PALM2AKAP2: variants seen among roughly 807,000 people sequenced by gnomAD.
PALM2AKAP2 encodes PALM2-AKAP2 fusion protein.
A neutral mutation model predicts 71.5 loss-of-function variants in PALM2AKAP2; 37 were observed. The ratio of observed to expected loss-of-function variants is 0.52; its 90% CI spans 0.40 to 0.68. The LOEUF (loss-of-function observed/expected upper bound fraction) is 0.68. Ranked by LOEUF, PALM2AKAP2 falls within the 30% of genes least tolerant of loss-of-function variation. PALM2AKAP2 has a pLI of 0.00. For synonymous variants in PALM2AKAP2, 468 were observed against 478.8 expected (o/e 0.98, Z 0.29); for missense variants, 1,224 against 1,191.8 (o/e 1.03, Z -0.40).
intron 1 of PALM2AKAP2, among the ~76,000 whole-genome samples, chr9:109,808,196 A>G (rs1192085627): frequency 6.6e-6 from 1 of 152,232 alleles, no homozygotes; most frequent in Non-Finnish European, 1.5e-5. Flanking sequence ...AGAGGCTGGA[A>G]CAGTTTGGAG....
intron 6 of PALM2AKAP2, among the ~76,000 whole-genome samples, chr9:110,005,581 A>C (rs1832762226): frequency 6.6e-6 from 1 of 152,196 alleles, no homozygotes; most frequent in South Asian, 2.1e-4. Flanking sequence ...AAGTCTGCAG[A>C]GGTTTCTGCT....
intron 6 of PALM2AKAP2, among the ~76,000 whole-genome samples, chr9:110,007,565 A>G (rs373226328): frequency 3.9e-5 from 6 of 152,308 alleles, no homozygotes; most frequent in African/African-American, 1.4e-4. Flanking sequence ...GAGGTATGAC[A>G]CTATATTGTA....
intron 1 of PALM2AKAP2, among the ~76,000 whole-genome samples, chr9:109,858,195 T>A (rs1179421999): frequency 6.6e-6 from 1 of 152,204 alleles, no homozygotes; most frequent in Non-Finnish European, 1.5e-5. Context: ...TGACCCTGTC[T>A]CTTTATCTTC....
At chr9:109,918,889 C>CT (rs965716447) in intron 3 of PALM2AKAP2, among the ~76,000 whole-genome samples, 3 of 152,090 alleles carry the variant, frequency 2.0e-5, no homozygotes, top group African/African-American at 7.2e-5. Context: ...CATTTCGTTC[C>CT]TTTTTTTTCT....
At chr9:109,853,437 A>G (rs533194957) in intron 1 of PALM2AKAP2, among the ~76,000 whole-genome samples, 5 of 152,188 alleles carry the variant, frequency 3.3e-5, no homozygotes, top group African/African-American at 1.2e-4. Flanking sequence ...TTGCTTTTTA[A>G]ACTGACTATA....
At chr9:110,139,804 C>T (rs561790167) in intron 2 of PALM2AKAP2, among the ~76,000 whole-genome samples, 26 of 152,270 alleles carry the variant, frequency 1.7e-4, no homozygotes, top group Admixed American at 1.5e-3. Context: ...ACATGATGCC[C>T]CATCACCCCC....
At chr9:109,825,941 AT>A (rs1290703002) in intron 1 of PALM2AKAP2, among the ~76,000 whole-genome samples, 10 of 152,212 alleles carry the variant, frequency 6.6e-5, no homozygotes, top group Non-Finnish European at 2.9e-5. Context: ...ACTATTCACA[AT>A]AGGAAAGACT....
In PALM2AKAP2 at chr9:109,925,046, T is replaced by C; in HGVS notation, c.373-15T>C. On this transcript the variant is annotated splice_polypyrimidine_tract_variant and intron_variant, in intron 4 of 9. Coordinates refer to the PALM2AKAP2 transcript ENST00000302798. ...ACATGTAGAGTAACGCTCTGCCTTG[T>C]TTTTGTTCCTACAGGGTTTCTCCAG... is the stretch of plus-strand genomic sequence containing the variant. The C allele has an allele frequency of 1.2e-6, 2 of 1,614,046 alleles. No individual in the cohort carries two copies. The highest frequency in any genetic ancestry group is 1.7e-6 in the Non-Finnish European group (2 of 1,179,946).
chr9:109,814,460 G>C (rs1827803327), intron 1 of PALM2AKAP2, among the ~76,000 whole-genome samples: 1 of 152,206 alleles, frequency 6.6e-6, no homozygotes, highest in African/African-American at 2.4e-5. Flanking sequence ...GTAACAAACA[G>C]ATGCAAAGAT....
chr9:109,877,133 A>G (rs990793723), intron 2 of PALM2AKAP2, among the ~76,000 whole-genome samples: 3 of 152,184 alleles, frequency 2.0e-5, no homozygotes, highest in African/African-American at 7.2e-5. Context: ...AGAAGGGTCC[A>G]CACCAACGCC....
chr9:109,733,301 T>C (rs1227695259), intron 1 of PALM2AKAP2, among the ~76,000 whole-genome samples: 2 of 152,148 alleles, frequency 1.3e-5, no homozygotes, highest in Non-Finnish European at 2.9e-5. Flanking sequence ...ATTTGTTAGA[T>C]TGTTCAAAGT....
intron 1 of PALM2AKAP2, among the ~76,000 whole-genome samples, chr9:109,666,331 C>G (rs1169694142): frequency 6.6e-6 from 1 of 152,156 alleles, no homozygotes; most frequent in African/African-American, 2.4e-5. Context: ...AAAGCCCTCA[C>G]AAAGTATCTT....
At chr9:109,911,311 A>C (rs1356838115) in intron 3 of PALM2AKAP2, among the ~76,000 whole-genome samples, 1 of 152,210 alleles carries the variant, frequency 6.6e-6, no homozygotes, top group Non-Finnish European at 1.5e-5. Context: ...CACAACAAAG[A>C]AATCAGTGCT....
At chr9:110,065,971 G>C (rs1588087443) in intron 1 of PALM2AKAP2, among the ~76,000 whole-genome samples, 1 of 152,336 alleles carries the variant, frequency 6.6e-6, no homozygotes, top group East Asian at 1.9e-4. Context: ...TACTTGGGTT[G>C]CTTCCACCTT....
chr9:109,993,746 CTG>C (rs1319449023), intron 6 of PALM2AKAP2, among the ~76,000 whole-genome samples: 1 of 151,802 alleles, frequency 6.6e-6, no homozygotes, highest in Non-Finnish European at 1.5e-5. Context: ...TTCTCTCCCT[CTG>C]TTTTTCTCTC....
intron 3 of PALM2AKAP2, among the ~76,000 whole-genome samples, chr9:109,922,398 G>C (rs1271262842): frequency 1.6e-5 from 2 of 122,646 alleles, no homozygotes; most frequent in Admixed American, 1.0e-4. Context: ...CTCCAGCCTG[G>C]GTGACAGAGT....
intron 7 of PALM2AKAP2, among the ~76,000 whole-genome samples, chr9:110,018,994 C>A (rs1240182933): frequency 2.0e-5 from 3 of 152,100 alleles, no homozygotes; most frequent in Non-Finnish European, 4.4e-5. Flanking sequence ...GTAATCCTAG[C>A]ACTTTGGGAG....
chr9:109,985,746 T>A (rs1832364745), intron 6 of PALM2AKAP2, among the ~76,000 whole-genome samples: 1 of 151,460 alleles, frequency 6.6e-6, no homozygotes, highest in African/African-American at 2.4e-5. Flanking sequence ...GCCTCCTAGG[T>A]TTAAGCAATT....
At chr9:109,768,051 G>A (rs997381856) in intron 1 of PALM2AKAP2, among the ~76,000 whole-genome samples, 1 of 42,984 alleles carries the variant, frequency 2.3e-5, no homozygotes, top group Non-Finnish European at 3.8e-5. Flanking sequence ...GGGAAGGAAG[G>A]AAAGAAAAAC....
Sources: gnomAD v4.1 joint callset for allele counts (sites outside exome capture counted in the v4.1 genomes callset) on GRCh38, gnomAD v4.1.1 for gene constraint, MANE v1.5 for transcripts, NCBI Gene and HGNC (gene_info 2026-07-23, HGNC 2026-07-21) for gene names.